CLIP1: variants seen among roughly 807,000 people sequenced by gnomAD.
CLIP1 encodes CAP-Gly domain containing linker protein 1, also known as CAP-Gly domain-containing linker protein 1.
In CLIP1, 66 loss-of-function variants were observed where a neutral mutation model predicts 161.6. The ratio of observed to expected loss-of-function variants is 0.41; its 90% CI spans 0.33 to 0.50. The LOEUF (loss-of-function observed/expected upper bound fraction) is 0.50. Among genes scored for constraint, CLIP1 ranks in the 20% least tolerant of loss-of-function variants. The pLI, the probability that CLIP1 is intolerant of heterozygous loss-of-function variation, is 0.27. For missense variants in CLIP1, 1,376 were observed against 1,702.0 expected (o/e 0.81, Z 3.37); for synonymous variants, 598 against 626.2 (o/e 0.96, Z 0.67).
chr12:122,340,663 G>T, intron 11 of CLIP1, 90 bp downstream of exon 11: 4 of 1,054,066 alleles, frequency 3.8e-6, no homozygotes, highest in Non-Finnish European at 5.5e-6. Context: ...TCAGCAATTT[G>T]GAAGATGAAT....
At chr12:122,389,758 C>CAA (rs57168188) in intron 1 of CLIP1, among the ~76,000 whole-genome samples, 1,401 of 69,102 alleles carry the variant, frequency 0.02, 230 homozygotes, top group African/African-American at 0.08. Flanking sequence ...GATCCTGTCT[C>CAA]AAAAAAAAAA....
chr12:122,378,291 T>C (rs1954843001), intron 2 of CLIP1, among the ~76,000 whole-genome samples: 1 of 152,184 alleles, frequency 6.6e-6, no homozygotes, highest in African/African-American at 2.4e-5. Context: ...CTCACCACGT[T>C]GGCCAGGCTG....
chr12:122,369,421 A>T (rs1229059446), intron 3 of CLIP1, among the ~76,000 whole-genome samples: 1 of 151,770 alleles, frequency 6.6e-6, no homozygotes, highest in Non-Finnish European at 1.5e-5. Context: ...CACTGGTCCT[A>T]AGTCGACCTC....
At chr12:122,384,213 A>G (rs966454593) in intron 1 of CLIP1, among the ~76,000 whole-genome samples, 2 of 152,198 alleles carry the variant, frequency 1.3e-5, no homozygotes, top group African/African-American at 4.8e-5. Flanking sequence ...GTGATTCCAA[A>G]GTTCATCTCT....
intron 20 of CLIP1, among the ~76,000 whole-genome samples, chr12:122,302,401 A>G (rs1005743851): frequency 6.6e-6 from 1 of 152,000 alleles, no homozygotes; most frequent in Non-Finnish European, 1.5e-5. Context: ...TGCCCACCAT[A>G]GAATTATTTC....
At chr12:122,313,727 A>G (rs1408437449) in intron 19 of CLIP1, among the ~76,000 whole-genome samples, 1 of 152,052 alleles carries the variant, frequency 6.6e-6, no homozygotes, top group African/African-American at 2.4e-5. Context: ...CAAAACAACA[A>G]CAACAACAAA....
chr12:122,388,160 A>G (rs1050865392), intron 1 of CLIP1, among the ~76,000 whole-genome samples: 5 of 152,176 alleles, frequency 3.3e-5, no homozygotes, highest in African/African-American at 1.2e-4. Context: ...GCATCACATG[A>G]AAGTTTGTTA....
At chr12:122,293,388 G>A (rs552853897) in intron 20 of CLIP1, among the ~76,000 whole-genome samples, 1 of 152,278 alleles carries the variant, frequency 6.6e-6, no homozygotes, top group South Asian at 2.1e-4. Flanking sequence ...ACCCCTAGGT[G>A]CTGAGAAGTA....
chr12:122,354,656 C>A, intron 6 of CLIP1, 100 bp from the exon 7 acceptor site: 1 of 875,538 alleles, frequency 1.1e-6, no homozygotes, highest in Non-Finnish European at 1.9e-6. Context: ...GGTGGGTGGG[C>A]GTTACTCTAA....
intron 2 of CLIP1, among the ~76,000 whole-genome samples, chr12:122,379,459 C>A (rs554775620): frequency 6.0e-4 from 91 of 150,652 alleles, no homozygotes; most frequent in Middle Eastern, 3.4e-3. Context: ...ACTAAAAATA[C>A]AAAATTTAGC....
chr12:122,338,679 T>C (rs1952352878), intron 11 of CLIP1, among the ~76,000 whole-genome samples: 1 of 152,106 alleles, frequency 6.6e-6, no homozygotes, highest in African/African-American at 2.4e-5. Flanking sequence ...ATTGTGCCAC[T>C]GCACTCCAGC....
chr12:122,351,759 T>A (rs1953047818), intron 8 of CLIP1, among the ~76,000 whole-genome samples: 1 of 152,184 alleles, frequency 6.6e-6, no homozygotes. Context: ...TTGTCATATA[T>A]CTAGCAATGG....
intron 20 of CLIP1, among the ~76,000 whole-genome samples, chr12:122,290,371 G>A (rs1052583246): frequency 5.9e-5 from 9 of 151,942 alleles, no homozygotes; most frequent in Non-Finnish European, 8.8e-5. Context: ...TAGAATGAAA[G>A]GAAGAAAAAA....
At chr12:122,363,609 T>C (rs996373303) in intron 4 of CLIP1, among the ~76,000 whole-genome samples, 1 of 152,104 alleles carries the variant, frequency 6.6e-6, no homozygotes, top group Non-Finnish European at 1.5e-5. Flanking sequence ...CATTTTGCAG[T>C]TCTTTTCCCT....
intron 21 of CLIP1, among the ~76,000 whole-genome samples, chr12:122,282,657 G>A (rs1955691992): frequency 7.0e-6 from 1 of 143,858 alleles, no homozygotes; most frequent in Non-Finnish European, 1.5e-5. Context: ...AAATATATGT[G>A]TGTGTTTGTG....
At chr12:122,362,507 G>A (rs1953899216) in intron 4 of CLIP1, among the ~76,000 whole-genome samples, 1 of 151,042 alleles carries the variant, frequency 6.6e-6, no homozygotes, top group Admixed American at 6.6e-5. Flanking sequence ...TGGGCGTGGT[G>A]GTGTGTGTCT....
intron 10 of CLIP1, among the ~76,000 whole-genome samples, chr12:122,346,727 T>C (rs1352380737): frequency 2.0e-5 from 3 of 152,144 alleles, no homozygotes; most frequent in Non-Finnish European, 4.4e-5. Context: ...GGTCTCAAAC[T>C]CCTGACCTCA....
At chr12:122,376,975 C>CT (rs1004884056) in intron 3 of CLIP1, among the ~76,000 whole-genome samples, 15 of 151,252 alleles carry the variant, frequency 9.9e-5, no homozygotes, top group Non-Finnish European at 1.8e-4. Flanking sequence ...AGAACAGACT[C>CT]TGAGCCAAGG....
rs35589479 is a variant in CLIP1, at chr12:122,397,553, C to CAAA, written c.-106-16998_-106-16996dup. On this transcript the variant is annotated intron_variant, in intron 1 of 25. Transcript: ENST00000620786. ...GGGCGACAGAGCCAGACTCCATCTC[C>CAAA]AAAAAAAAAAAAAAAAAAAAAAAAA... Among the ~76,000 whole-genome samples, 640 of 66,854 alleles carry CAAA rather than the reference C, an allele frequency of 9.6e-3. 51 individuals are homozygous for CAAA. Among genetic ancestry groups the CAAA allele is most frequent in the Middle Eastern group, 0.03 (2 of 66 alleles). 43.9% of individuals were successfully genotyped at this position (66,854 alleles called of 152,430 possible).
Sources: allele counts gnomAD v4.1 joint callset (sites outside exome capture counted in the v4.1 genomes callset), GRCh38; gene constraint gnomAD v4.1.1; transcripts MANE v1.5; gene names NCBI Gene and HGNC (gene_info 2026-07-23, HGNC 2026-07-21).